The following AP3M1 variants were observed in gnomAD, a reference collection of about 807,000 sequenced individuals.
The protein encoded by AP3M1 is adaptor related protein complex 3 subunit mu 1, also known as AP-3 complex subunit mu-1.
In AP3M1, 29 loss-of-function variants were observed where a neutral mutation model predicts 42.6. The ratio of observed to expected loss-of-function variants is 0.68; its 90% CI spans 0.51 to 0.93. The LOEUF (loss-of-function observed/expected upper bound fraction) is 0.93. AP3M1 is among the 40% of genes least tolerant of loss of function. The pLI is 0.00. For synonymous variants in AP3M1, 178 were observed against 175.3 expected (o/e 1.02, Z -0.12); for missense variants, 416 against 510.2 (o/e 0.82, Z 1.78).
rs78734347 is a variant in AP3M1, at chr10:74,141,087, T to C, written c.-3-2705A>G. 4.5e-3 allele frequency among the ~76,000 whole-genome samples: 692 copies of C among 152,266 alleles called. 3 individuals carry two copies. Among genetic ancestry groups the C allele is most frequent in the African/African-American group, 0.016 (653 of 41,550 alleles). ...AAGAAAGCAAAAATTCACAAAATGA[T>C]AGTAAATATTTGAAACCATATATCT... On this transcript the variant is annotated intron_variant, in intron 1 of 8. Coordinates refer to ENST00000355264, the MANE Select transcript of AP3M1 (RefSeq NM_012095.6).
At chr10:74,126,937 C>T (rs982097190) in intron 6 of AP3M1, among the ~76,000 whole-genome samples, 3 of 127,956 alleles carry the variant, frequency 2.3e-5, no homozygotes, top group Non-Finnish European at 3.1e-5. Flanking sequence ...TGCCACTGCA[C>T]TCCAGCCTGG....
At position 74,123,995 on chromosome 10, in the gene AP3M1, A is replaced by G. The variant is rs1840544813; in HGVS notation, c.1157-85T>C. ...CAATGAGCGCTATATGGTAAATCTG[A>G]CATTAACCAGTGTCCCTTCCACCAT... On this transcript the variant is annotated intron_variant, in intron 8 of 8. Transcript: ENST00000355264. The G allele has an allele frequency of 2.5e-6, 3 of 1,176,710 alleles. No individual in the cohort carries two copies. In the Admixed American group the frequency reaches 5.5e-5, roughly 22 times the overall value. The allele number at this position is 1,176,710 out of a possible 1,614,324, so 72.9% of individuals were successfully genotyped here.
intron 6 of AP3M1, among the ~76,000 whole-genome samples, 154 bp from the exon 7 acceptor site, chr10:74,126,509 A>G (rs144307531): frequency 7.2e-5 from 11 of 152,296 alleles, no homozygotes; most frequent in African/African-American, 2.6e-4. Context: ...CTGTAGCCAC[A>G]GTTCTGCATC....
At chr10:74,146,893 A>C (rs1026392404) in intron 1 of AP3M1, among the ~76,000 whole-genome samples, 25 of 152,112 alleles carry the variant, frequency 1.6e-4, no homozygotes, top group Admixed American at 1.6e-3. Flanking sequence ...AAAAAAAAAA[A>C]CAGGGTGGTT....
At chr10:74,138,597 G>GAAA (rs35488304) in intron 1 of AP3M1, among the ~76,000 whole-genome samples, 2 of 111,046 alleles carry the variant, frequency 1.8e-5, no homozygotes, top group South Asian at 3.2e-4. Context: ...ATCCTTTTAC[G>GAAA]AAAAAAAAAA....
intron 1 of AP3M1, among the ~76,000 whole-genome samples, chr10:74,144,832 T>C (rs1841283032): frequency 6.6e-6 from 1 of 151,986 alleles, no homozygotes; most frequent in South Asian, 2.1e-4. Flanking sequence ...CCAGCTAATT[T>C]TTTGTATTTT....
intron 1 of AP3M1, among the ~76,000 whole-genome samples, chr10:74,141,226 T>C (rs546903634): frequency 4.0e-4 from 61 of 152,148 alleles, no homozygotes; most frequent in African/African-American, 1.4e-3. Context: ...GGAGGGAGGA[T>C]TGCTTGAGCC....
rs1360152200 is a variant in AP3M1, at chr10:74,121,399, G to A, written c.*2411C>T. 1 of 152,194 alleles carries A rather than the reference G, an allele frequency of 6.6e-6. No homozygotes were observed. The highest frequency in any genetic ancestry group is 1.5e-5 in the Non-Finnish European group (1 of 68,032). 9.4% of individuals were successfully genotyped at this position (152,194 alleles called of 1,614,324 possible). On this transcript the variant is annotated 3_prime_UTR_variant, in exon 9 of 9. Coordinates refer to ENST00000355264, the MANE Select transcript of AP3M1 (RefSeq NM_012095.6). ...AGAATCATTTACTTCATTTGCTCTT[G>A]ATATACTCCCTTATGAATTTAGAAC...
At chr10:74,143,706 G>C (rs866817146) in intron 1 of AP3M1, among the ~76,000 whole-genome samples, 15 of 152,046 alleles carry the variant, frequency 9.9e-5, no homozygotes, top group African/African-American at 3.6e-4. Context: ...AGAAAAGTTA[G>C]GTCAATTACC....
chr10:74,134,226 A>G (rs775713856), intron 3 of AP3M1, 62 bp from the exon 4 acceptor site: 96 of 1,527,284 alleles, frequency 6.3e-5, no homozygotes, highest in Non-Finnish European at 8.5e-5. Context: ...AAAATTTATT[A>G]CTAGGAAAAA....
chr10:74,123,877 T>TAA lies in AP3M1; in HGVS notation c.1189_1190insTT (p.Glu397ValfsTer21). Reference sequence around the variant, plus strand: ...GACTCCTTTAAATGGCTTATATTTCTCCCCATACATGTCCAAACGGTTTAC... The same window carrying TAA: ...GACTCCTTTAAATGGCTTATATTTCTAACCCCATACATGTCCAAACGGTTTAC... On this transcript the variant is annotated frameshift_variant, in exon 9 of 9. Transcript: ENST00000355264. LOFTEE classifies it high-confidence loss of function. 6.2e-7 allele frequency: 1 copy of TAA among 1,614,114 alleles called. No homozygotes were observed. The highest frequency in any genetic ancestry group is 8.5e-7 in the Non-Finnish European group (1 of 1,180,002).
chr10:74,127,471 C>T (rs1395439101), intron 6 of AP3M1, among the ~76,000 whole-genome samples: 2 of 151,424 alleles, frequency 1.3e-5, no homozygotes, highest in Admixed American at 1.3e-4. Context: ...TGGTGAAATC[C>T]CCTCTCTAAT....
At chr10:74,149,173 G>T (rs992585047) in intron 1 of AP3M1, among the ~76,000 whole-genome samples, 5 of 146,462 alleles carry the variant, frequency 3.4e-5, no homozygotes, top group Non-Finnish European at 7.5e-5. Flanking sequence ...GTGCCTGGCC[G>T]TATATTATAT....
intron 4 of AP3M1, among the ~76,000 whole-genome samples, chr10:74,132,999 T>C (rs2131974948): frequency 6.6e-6 from 1 of 152,322 alleles, no homozygotes; most frequent in Middle Eastern, 3.4e-3. Flanking sequence ...ACGCCTGTAA[T>C]CCCAGCCCTT....
chr10:74,127,541 C>A (rs1321613787), intron 6 of AP3M1, among the ~76,000 whole-genome samples: 1 of 151,950 alleles, frequency 6.6e-6, no homozygotes, highest in Non-Finnish European at 1.5e-5. Flanking sequence ...TGCCTGTAAT[C>A]CCAGCTACTT....
Position 74,125,199 on chromosome 10 carries a change from G to A in AP3M1, c.1012-675C>T, listed in dbSNP as rs1591734619. Among the ~76,000 whole-genome samples the A allele has an allele frequency of 3.3e-5, 5 of 152,288 alleles. No individual in the cohort carries two copies. In the South Asian group the frequency reaches 8.3e-4, roughly 25 times the overall value. ...TCTCCATGTTGGTCAGGCTGGTCTC[G>A]AACTCCTGACCTCAGGTGATCCACC... On this transcript the variant is annotated intron_variant, in intron 7 of 8. Coordinates refer to ENST00000355264, the MANE Select transcript of AP3M1 (RefSeq NM_012095.6).
At chr10:74,139,584 C>G (rs1195454693) in intron 1 of AP3M1, among the ~76,000 whole-genome samples, 1 of 149,754 alleles carries the variant, frequency 6.7e-6, no homozygotes. Context: ...GAGTTCAAGA[C>G]CAGCCTGGCC....
At chr10:74,146,313 T>C (rs1361994327) in intron 1 of AP3M1, among the ~76,000 whole-genome samples, 1 of 152,224 alleles carries the variant, frequency 6.6e-6, no homozygotes, top group African/African-American at 2.4e-5. Flanking sequence ...ACTTTATTCT[T>C]AGTGCAATGT....
intron 1 of AP3M1, among the ~76,000 whole-genome samples, chr10:74,141,449 A>G (rs1175063512): frequency 6.6e-6 from 1 of 152,160 alleles, no homozygotes; most frequent in African/African-American, 2.4e-5. Context: ...ATAAATAAAT[A>G]AACAAGCCAA....
Sources: gnomAD v4.1 joint callset for allele counts (sites outside exome capture counted in the v4.1 genomes callset) on GRCh38, gnomAD v4.1.1 for gene constraint, MANE v1.5 for transcripts, NCBI Gene and HGNC (gene_info 2026-07-23, HGNC 2026-07-21) for gene names.